The following SLC4A7 variants were observed in gnomAD, a reference collection of about 807,000 sequenced individuals.
SLC4A7 encodes the protein solute carrier family 4 member 7, also known as sodium bicarbonate cotransporter 3.
In SLC4A7, 51 loss-of-function variants were observed where a neutral mutation model predicts 137.6. The observed-to-expected ratio is 0.37, with a 90% CI of 0.30 to 0.47. The LOEUF (loss-of-function observed/expected upper bound fraction) is 0.47. Among genes scored for constraint, SLC4A7 ranks in the 20% least tolerant of loss-of-function variants. The pLI is 1.00. For missense variants in SLC4A7, 1,247 were observed against 1,525.4 expected (o/e 0.82, Z 3.04); for synonymous variants, 542 against 518.6 (o/e 1.05, Z -0.61).
chr3:27,433,764 A>G (rs2056508898), intron 6 of SLC4A7, 152 bp downstream of exon 6: 1 of 611,942 alleles, frequency 1.6e-6, no homozygotes, highest in Admixed American at 3.4e-5. Flanking sequence ...TAATTATACA[A>G]GAGGCCTTGA....
At chr3:27,424,716 TAAG>T (rs543858479) in intron 7 of SLC4A7, among the ~76,000 whole-genome samples, 7 of 152,236 alleles carry the variant, frequency 4.6e-5, no homozygotes, top group African/African-American at 7.2e-5. Context: ...TCATTACTCC[TAAG>T]AAATCCAACT....
intron 1 of SLC4A7, among the ~76,000 whole-genome samples, chr3:27,458,422 T>C (rs866625695): frequency 3.0e-4 from 46 of 152,306 alleles, no homozygotes; most frequent in Middle Eastern, 6.8e-3. Context: ...AGACTGACTG[T>C]ACGTAACAGG....
At chr3:27,474,710 G>C (rs551291692) in intron 1 of SLC4A7, among the ~76,000 whole-genome samples, 2 of 152,232 alleles carry the variant, frequency 1.3e-5, no homozygotes, top group East Asian at 3.9e-4. Context: ...AGTGACTCCA[G>C]GAGACAGTGC....
chr3:27,419,739 A>G (rs2054762817), intron 10 of SLC4A7, among the ~76,000 whole-genome samples: 1 of 152,102 alleles, frequency 6.6e-6, no homozygotes, highest in African/African-American at 2.4e-5. Context: ...GTGTAGAGAA[A>G]AATACTATAC....
chr3:27,474,847 C>T (rs769818422), intron 1 of SLC4A7, among the ~76,000 whole-genome samples: 24 of 152,064 alleles, frequency 1.6e-4, no homozygotes, highest in Non-Finnish European at 3.5e-4. Context: ...TCAGGCCAGG[C>T]GCGGTGGCTC....
intron 13 of SLC4A7, among the ~76,000 whole-genome samples, chr3:27,409,020 AT>A (rs1195456002): frequency 6.6e-6 from 1 of 152,122 alleles, no homozygotes; most frequent in African/African-American, 2.4e-5. Flanking sequence ...AAAAACCCCC[AT>A]GACCCACCCA....
At chr3:27,455,937 CA>C (rs1241200385) in intron 1 of SLC4A7, among the ~76,000 whole-genome samples, 6 of 152,172 alleles carry the variant, frequency 3.9e-5, no homozygotes, top group Non-Finnish European at 7.4e-5. Flanking sequence ...AAATTCAATT[CA>C]ACATGAAAAT....
At chr3:27,453,504 T>C (rs1191118461) in intron 1 of SLC4A7, among the ~76,000 whole-genome samples, 1 of 152,086 alleles carries the variant, frequency 6.6e-6, no homozygotes, top group Non-Finnish European at 1.5e-5. Context: ...TCCCAGCTAC[T>C]CAGGAGGCTG....
intron 13 of SLC4A7, among the ~76,000 whole-genome samples, chr3:27,405,686 A>G (rs984463992): frequency 1.3e-5 from 2 of 152,212 alleles, no homozygotes; most frequent in Non-Finnish European, 2.9e-5. Flanking sequence ...AACTTTCCAC[A>G]TATTTTAAAG....
chr3:27,435,796 G>A (rs141277457), intron 5 of SLC4A7, among the ~76,000 whole-genome samples: 2 of 152,212 alleles, frequency 1.3e-5, no homozygotes, highest in African/African-American at 2.4e-5. Flanking sequence ...AGCCAAGATC[G>A]TGCCACTGCA....
At position 27,463,394 on chromosome 3, in the gene SLC4A7, C is replaced by A. The variant is rs2058802224; in HGVS notation, c.61-10896G>T. Among the ~76,000 whole-genome samples the A allele has an allele frequency of 3.3e-5, 5 of 152,188 alleles. No individual in the cohort carries two copies. In the South Asian group the frequency reaches 1.0e-3, roughly 32 times the overall value. On this transcript the variant is annotated intron_variant, in intron 1 of 25. Coordinates refer to ENST00000454389, the MANE Select transcript of SLC4A7 (RefSeq NM_001321103.2). The stretch of plus-strand genomic sequence containing the variant: ...GCAGTGAGCTGAGATCGCACCACTG[C>A]ACTCCAGCCTCGGCGACAGAGCGAG...
intron 21 of SLC4A7, among the ~76,000 whole-genome samples, chr3:27,391,073 T>G (rs1409205164): frequency 6.6e-6 from 1 of 152,182 alleles, no homozygotes; most frequent in Non-Finnish European, 1.5e-5. Context: ...TACTCCTGCC[T>G]CAGGCTTTCA....
At chr3:27,416,695 A>G (rs1036240765) in intron 11 of SLC4A7, among the ~76,000 whole-genome samples, 1 of 152,212 alleles carries the variant, frequency 6.6e-6, no homozygotes, top group Admixed American at 6.5e-5. Context: ...ATATATGCAC[A>G]TAAAAAATAA....
At chr3:27,383,691 T>C (rs1576083661) in intron 23 of SLC4A7, among the ~76,000 whole-genome samples, 1 of 152,194 alleles carries the variant, frequency 6.6e-6, no homozygotes, top group African/African-American at 2.4e-5. Flanking sequence ...GTCCTGTGTA[T>C]ATAGAGTATT....
At chr3:27,410,479 A>T (rs2053797750) in intron 12 of SLC4A7, among the ~76,000 whole-genome samples, 1 of 152,222 alleles carries the variant, frequency 6.6e-6, no homozygotes, top group Non-Finnish European at 1.5e-5. Context: ...TTACCGTTGT[A>T]ATTTTTTTAA....
chr3:27,481,866 T>C (rs2059722891), intron 1 of SLC4A7, among the ~76,000 whole-genome samples: 1 of 152,202 alleles, frequency 6.6e-6, no homozygotes, highest in South Asian at 2.1e-4. Flanking sequence ...TAGGGTGCCA[T>C]GGCTTACACC....
At chr3:27,416,072 A>C (rs1432005412) in intron 11 of SLC4A7, among the ~76,000 whole-genome samples, 1 of 152,182 alleles carries the variant, frequency 6.6e-6, no homozygotes, top group Non-Finnish European at 1.5e-5. Flanking sequence ...CACCAACAGG[A>C]CTTCCTATGA....
In SLC4A7 at chr3:27,424,133, C is replaced by A; in HGVS notation, c.1170G>T (p.Gln390His). The A allele has an allele frequency of 6.2e-7, 1 of 1,602,100 alleles. No individual in the cohort carries two copies. Among genetic ancestry groups the A allele is most frequent in the Non-Finnish European group, 8.5e-7 (1 of 1,173,826 alleles). ...TATTGTCCAAGTTTCCAGGAGCAGA[C>A]TGGGGAGAGGCCAAAATACCTATGT... ...DLTPGILASP[Q>H]SAPGNLDNSK... Residue 390 changes from glutamine (Q) to histidine (H), a missense_variant, in exon 8 of 26, where the codon CAG becomes CAT. Transcript: ENST00000454389.
intron 24 of SLC4A7, among the ~76,000 whole-genome samples, chr3:27,382,288 G>A (rs905207375): frequency 6.6e-6 from 1 of 151,772 alleles, no homozygotes; most frequent in Non-Finnish European, 1.5e-5. Context: ...GCTAATTTTT[G>A]TATTTTTAGT....
Sources: allele counts gnomAD v4.1 joint callset (sites outside exome capture counted in the v4.1 genomes callset), GRCh38; gene constraint gnomAD v4.1.1; transcripts MANE v1.5; gene names NCBI Gene and HGNC (gene_info 2026-07-23, HGNC 2026-07-21).